Variants in CCDC141 observed in about 807,000 individuals in gnomAD.
The protein encoded by CCDC141 is coiled-coil domain-containing protein 141.
Under a neutral mutation model 181.0 loss-of-function variants are expected in CCDC141, and 168 were observed. The observed-to-expected ratio is 0.93, with a 90% CI of 0.82 to 1.05. The LOEUF is 1.05. Among genes scored for constraint, CCDC141 ranks in the 50% least tolerant of loss-of-function variants. CCDC141 has a pLI of 0.00. For synonymous variants in CCDC141, 666 were observed against 642.3 expected (o/e 1.04, Z -0.56); for missense variants, 1,902 against 1,788.5 (o/e 1.06, Z -1.14).
At chr2:179,043,243 C>A (rs1338611877) in intron 2 of CCDC141, among the ~76,000 whole-genome samples, 2 of 151,904 alleles carry the variant, frequency 1.3e-5, no homozygotes, top group Non-Finnish European at 2.9e-5. Context: ...GCCTGCCAAC[C>A]AAAAAAAGCC....
intron 2 of CCDC141, among the ~76,000 whole-genome samples, chr2:179,015,765 C>CTT (rs2042507827): frequency 7.4e-6 from 1 of 135,582 alleles, no homozygotes; most frequent in South Asian, 2.4e-4. Context: ...TCATATATAT[C>CTT]ATATATATCT....
chr2:178,968,379 C>T (rs554075155), intron 4 of CCDC141, among the ~76,000 whole-genome samples: 5 of 152,250 alleles, frequency 3.3e-5, no homozygotes, highest in African/African-American at 9.6e-5. Context: ...GAAATCATAA[C>T]AGACAGCCTC....
At position 178,888,572 on chromosome 2, in the gene CCDC141, A is replaced by G. The variant is rs1420280111; in HGVS notation, c.1362T>C (p.Leu454=). 1 of 1,550,374 alleles carries G rather than the reference A, an allele frequency of 6.5e-7. No homozygotes were observed. Among genetic ancestry groups the G allele is most frequent in the African/African-American group, 1.4e-5 (1 of 73,020 alleles). Residue 454 remains leucine, a synonymous_variant, in exon 9 of 24, where the codon CTT becomes CTC. Transcript: ENST00000443758. ...EQCSAHKEYA[L]KKQQLTASVE... ...CTGAGGCTGTTAGTTGTTGTTTCTT[A>G]AGAGCATATTCCTTGTGCGCTGAAC...
chr2:178,893,833 A>ATG (rs564800384), intron 8 of CCDC141, among the ~76,000 whole-genome samples: 182 of 151,970 alleles, frequency 1.2e-3, no homozygotes, highest in African/African-American at 4.1e-3. Flanking sequence ...GCACACACAC[A>ATG]CACACACACA....
intron 6 of CCDC141, among the ~76,000 whole-genome samples, chr2:178,928,829 G>C (rs989568990): frequency 1.3e-5 from 2 of 152,140 alleles, no homozygotes; most frequent in African/African-American, 4.8e-5. Context: ...GCTTTAAATT[G>C]AGCTGCAAAT....
intron 10 of CCDC141, among the ~76,000 whole-genome samples, chr2:178,885,681 T>C (rs966691280): frequency 1.3e-5 from 2 of 152,188 alleles, no homozygotes; most frequent in African/African-American, 2.4e-5. Context: ...ATTTCTGTTA[T>C]GTGAACTCCA....
chr2:178,836,088 G>T (rs1224174736), intron 23 of CCDC141: 1 of 152,516 alleles, frequency 6.6e-6, no homozygotes, highest in Non-Finnish European at 1.5e-5. Flanking sequence ...ACTGGCTTTT[G>T]CAGATTTGTA....
chr2:178,882,385 T>C (rs1307333060), intron 11 of CCDC141, among the ~76,000 whole-genome samples: 1 of 152,026 alleles, frequency 6.6e-6, no homozygotes, highest in African/African-American at 2.4e-5. Context: ...ATAGTAATAA[T>C]AAATAAAATT....
At chr2:179,015,038 ATGAG>A (rs1295159248) in intron 2 of CCDC141, among the ~76,000 whole-genome samples, 3 of 124,878 alleles carry the variant, frequency 2.4e-5, no homozygotes, top group Non-Finnish European at 3.2e-5. Flanking sequence ...CCATCAATCA[ATGAG>A]TGGATAAACT....
At chr2:178,988,416 G>T (rs999925123) in intron 2 of CCDC141, among the ~76,000 whole-genome samples, 1 of 151,114 alleles carries the variant, frequency 6.6e-6, no homozygotes, top group Non-Finnish European at 1.5e-5. Flanking sequence ...ACATGTATAC[G>T]TATGTAACTA....
chr2:178,935,723 T>G (rs1036499704), intron 6 of CCDC141, among the ~76,000 whole-genome samples: 1 of 151,904 alleles, frequency 6.6e-6, no homozygotes. Context: ...CTCCTATCAA[T>G]GGTGTATAAG....
rs13423687 is a variant in CCDC141, at chr2:178,889,945, A to G, written c.1266-1277T>C. ...ACAACACTAAATTCCATAATTCTAC[A>G]AAAGCAGTGTATTGGTAATATGAAT... On this transcript the variant is annotated intron_variant, in intron 8 of 23. Transcript: ENST00000443758. 4.7e-4 allele frequency among the ~76,000 whole-genome samples: 72 copies of G among 152,354 alleles called. 1 individual carries two copies. The highest frequency in any genetic ancestry group is 1.7e-3 in the African/African-American group (71 of 41,592).
At chr2:178,983,034 A>G (rs1181055174) in intron 2 of CCDC141, among the ~76,000 whole-genome samples, 1 of 152,212 alleles carries the variant, frequency 6.6e-6, no homozygotes, top group Non-Finnish European at 1.5e-5. Flanking sequence ...ACAAAAAGAC[A>G]GCAGTAACCT....
At chr2:178,985,727 T>C (rs1484356546) in intron 2 of CCDC141, among the ~76,000 whole-genome samples, 13 of 152,112 alleles carry the variant, frequency 8.5e-5, no homozygotes, top group Admixed American at 6.5e-5. Context: ...AAGAAATAGA[T>C]AAATTCCTCG....
chr2:178,952,587 T>C (rs1413760687), intron 5 of CCDC141, among the ~76,000 whole-genome samples: 1 of 152,232 alleles, frequency 6.6e-6, no homozygotes, highest in African/African-American at 2.4e-5. Flanking sequence ...GTCATTCGCA[T>C]ACATTCCAGT....
At chr2:178,927,616 G>T (rs573925947) in intron 6 of CCDC141, among the ~76,000 whole-genome samples, 1 of 152,108 alleles carries the variant, frequency 6.6e-6, no homozygotes, top group Non-Finnish European at 1.5e-5. Context: ...ATTAATAAGA[G>T]TTTCCTATAG....
intron 7 of CCDC141, among the ~76,000 whole-genome samples, chr2:178,905,756 T>C (rs1017394449): frequency 4.6e-5 from 7 of 152,196 alleles, no homozygotes; most frequent in East Asian, 1.9e-4. Flanking sequence ...ATAGTTTACA[T>C]TGAGAATGTA....
intron 5 of CCDC141, among the ~76,000 whole-genome samples, chr2:178,949,852 G>C (rs1689878949): frequency 2.6e-5 from 4 of 152,298 alleles, no homozygotes; most frequent in African/African-American, 9.6e-5. Context: ...AATGCTCTCT[G>C]ATGGCCAAGG....
rs753922790 is a variant in CCDC141, at chr2:178,837,694, C to G, written c.3525G>C (p.Glu1175Asp). The G allele has an allele frequency of 6.2e-7, 1 of 1,613,838 alleles. No homozygotes were observed. Among genetic ancestry groups the G allele is most frequent in the Non-Finnish European group, 8.5e-7 (1 of 1,179,868 alleles). The change falls in exon 23 of 24, where the codon GAG becomes GAC. Residue 1175 changes from glutamate to aspartate, a missense_variant. Transcript: ENST00000443758. ...DLLGINGTGE[E>D]RLPQDLKVST... Reference sequence around the variant, plus strand: ...ACACCTTCAGGTCTTGTGGTAGTCGCTCTTCCCCTGTTCCATTGATGCCCA... The same window carrying G: ...ACACCTTCAGGTCTTGTGGTAGTCGGTCTTCCCCTGTTCCATTGATGCCCA...
Sources: allele counts gnomAD v4.1 joint callset (sites outside exome capture counted in the v4.1 genomes callset), GRCh38; gene constraint gnomAD v4.1.1; transcripts MANE v1.5; gene names NCBI Gene and HGNC (gene_info 2026-07-23, HGNC 2026-07-21).